TRPM6: variants seen among roughly 807,000 people sequenced by gnomAD.
The protein encoded by TRPM6 is transient receptor potential cation channel subfamily M member 6, also known as channel kinase 2.
TRPM6 carries 111 observed loss-of-function variants against 247.6 expected under a neutral mutation model. The ratio of observed to expected loss-of-function variants is 0.45; its 90% confidence interval spans 0.38 to 0.52. The LOEUF (loss-of-function observed/expected upper bound fraction) is 0.52. TRPM6 is among the 20% of genes least tolerant of loss of function. The probability of loss-of-function intolerance (pLI) is 0.00; values close to 1 mark genes in which losing one functional copy is unlikely to be tolerated. For synonymous variants in TRPM6, 892 were observed against 853.8 expected, an observed-to-expected ratio of 1.04 and a Z score of -0.78; for missense variants, 2,126 against 2,421.5, an observed-to-expected ratio of 0.88 and a Z score of 2.56.
At chr9:74,742,520 C>T (rs1825897558) in intron 33 of TRPM6, 41 bp downstream of exon 33, 2 of 1,571,608 alleles carry the variant, frequency 1.3e-6, no homozygotes, top group African/African-American at 2.7e-5. Flanking sequence ...TTTTATGCCT[C>T]TGTCCTGGCA....
At chr9:74,740,858 C>G (rs1169009870) in intron 33 of TRPM6, among the ~76,000 whole-genome samples, 1 of 152,024 alleles carries the variant, frequency 6.6e-6, no homozygotes, top group Admixed American at 6.6e-5. Flanking sequence ...TGCTTTATAT[C>G]ATAAAAAAAC....
At chr9:74,780,919 G>C (rs1279829559) in intron 23 of TRPM6, among the ~76,000 whole-genome samples, 1 of 152,170 alleles carries the variant, frequency 6.6e-6, no homozygotes, top group Non-Finnish European at 1.5e-5. Flanking sequence ...ATTTGGGAAA[G>C]ACTACATTAA....
intron 23 of TRPM6, chr9:74,776,297 A>G (rs1827220453): frequency 2.0e-6 from 1 of 499,820 alleles, no homozygotes; most frequent in Non-Finnish European, 3.7e-6. Flanking sequence ...CAGAAGGCAG[A>G]CATTACAATC....
chr9:74,724,713 A>G lies in TRPM6; in HGVS notation c.5969T>C (p.Ile1990Thr). 1 of 1,614,154 alleles carries G rather than the reference A, an allele frequency of 6.2e-7. No homozygotes were observed. Among genetic ancestry groups the G allele is most frequent in the Non-Finnish European group, 8.5e-7 (1 of 1,180,014 alleles). Residue 1990 changes from isoleucine (I) to threonine (T), a missense_variant, in exon 39 of 39, where the codon ATA becomes ACA. Physicochemically the swap from Ile to Thr is moderately conservative, Grantham distance 89. Around this residue, in one of 3 missense-constraint regions of TRPM6, gnomAD observed 327 missense variants for 397.7 expected, o/e 0.82. Coordinates refer to ENST00000360774, the MANE Select transcript of TRPM6 (RefSeq NM_017662.5). ...LKRNDYSPER[I>T]NSTFGLEIKI... The stretch of plus-strand genomic sequence containing the variant: ...TATCTCAAGTCCAAAGGTGGAATTT[A>G]TCCTTTCAGGGGAATAGTCATTTCT...
At chr9:74,852,760 C>T (rs1024599370) in intron 3 of TRPM6, among the ~76,000 whole-genome samples, 9 of 152,160 alleles carry the variant, frequency 5.9e-5, no homozygotes, top group Admixed American at 2.0e-4. Context: ...CCCGAGGTGC[C>T]GGGATTGCAG....
At chr9:74,825,999 C>T (rs942130506) in intron 7 of TRPM6, among the ~76,000 whole-genome samples, 22 of 152,120 alleles carry the variant, frequency 1.4e-4, no homozygotes, top group African/African-American at 5.1e-4. Context: ...CCTCAGAATC[C>T]TTATTCACAC....
rs774691363 is a variant in TRPM6 at position 74,739,456 on chromosome 9, A to C, written c.5488-7T>G. On this transcript the variant is annotated splice_polypyrimidine_tract_variant and splice_region_variant and intron_variant, in intron 34 of 38. Transcript: ENST00000360774. The stretch of plus-strand genomic sequence containing the variant: ...CTCTTTGTTGTTGAATTTCCTACAA[A>C]ATAGGGAGCACTGATAAAAATACTG... 1.4e-4 allele frequency: 232 copies of C among 1,612,784 alleles called. 1 individual carries two copies. The highest frequency in any genetic ancestry group is 1.7e-4 in the Non-Finnish European group (202 of 1,178,932).
rs370054393 is a variant in TRPM6, at chr9:74,752,423, A to G, written c.4907-55T>C. ...ATACATGAAAATGTGTTACATTCAA[A>G]TCACAGTTCCCAAATAGAAAAATCT... On this transcript the variant is annotated intron_variant, in intron 28 of 38. Transcript: ENST00000360774. The G allele has an allele frequency of 1.1e-3, 1,104 of 990,636 alleles. 23 individuals carry two copies. The South Asian group carries it at 0.011, about 10-fold the overall frequency. The allele number at this position is 990,636 out of a possible 1,614,324, so 61.4% of individuals were successfully genotyped here. A position where few individuals can be genotyped will look rare whatever the true frequency, so the allele number is the denominator to read the frequency against.
intron 10 of TRPM6, 43 bp from the exon 11 acceptor site, chr9:74,816,812 A>T: frequency 6.2e-7 from 1 of 1,611,248 alleles, no homozygotes; most frequent in Non-Finnish European, 8.5e-7. Flanking sequence ...TTTTCAAGAT[A>T]TCTACGCAAG....
rs1418612145 is a variant in TRPM6 at position 74,724,594 on chromosome 9, T to C, written c.*19A>G. 1 of 1,614,114 alleles carries C rather than the reference T, an allele frequency of 6.2e-7. No individual in the cohort carries two copies. The highest frequency in any genetic ancestry group is 8.5e-7 in the Non-Finnish European group (1 of 1,180,022). ...CTGGCAGGCAGGGCAAGCACTGGGATCTTCTTGCTCCTCCCTTTTTATAGT... is the reference window on the plus strand; with the variant it reads ...CTGGCAGGCAGGGCAAGCACTGGGACCTTCTTGCTCCTCCCTTTTTATAGT... On this transcript the variant is annotated 3_prime_UTR_variant, in exon 39 of 39. Transcript: ENST00000360774.
At chr9:74,727,457 T>C (rs2769194) in intron 38 of TRPM6, among the ~76,000 whole-genome samples, 19,771 of 151,252 alleles carry the variant, frequency 0.13, 1,600 homozygotes, top group South Asian at 0.22. Context: ...CAGGTTACGA[T>C]GGATGGTGCT....
At chr9:74,810,995 A>G in intron 12 of TRPM6, 127 bp from the exon 13 acceptor site, 1 of 732,260 alleles carries the variant, frequency 1.4e-6, no homozygotes, top group Non-Finnish European at 2.4e-6. Context: ...TTTAGTAACA[A>G]TGCTTAAGCC....
At chr9:74,852,846 T>C (rs1228772819) in intron 3 of TRPM6, among the ~76,000 whole-genome samples, 1 of 151,964 alleles carries the variant, frequency 6.6e-6, no homozygotes, top group Non-Finnish European at 1.5e-5. Flanking sequence ...CGCTACAACC[T>C]CCACCTCCCA....
intron 32 of TRPM6, among the ~76,000 whole-genome samples, chr9:74,743,093 C>G (rs1825915743): frequency 6.6e-6 from 1 of 152,304 alleles, no homozygotes; most frequent in East Asian, 1.9e-4. Context: ...CTGCATTTTC[C>G]TGTTAAGAGC....
chr9:74,813,361 G>C (rs1828803644), intron 11 of TRPM6, among the ~76,000 whole-genome samples: 1 of 152,214 alleles, frequency 6.6e-6, no homozygotes, highest in Admixed American at 6.5e-5. Context: ...AAAATGTCAA[G>C]AGACAAACAG....
At chr9:74,765,492 C>G (rs1028779397) in intron 25 of TRPM6, among the ~76,000 whole-genome samples, 1 of 151,914 alleles carries the variant, frequency 6.6e-6, no homozygotes, top group Admixed American at 6.6e-5. Flanking sequence ...TTGTTTCATT[C>G]TATTATTTGG....
At chr9:74,874,533 C>G (rs947276089) in intron 1 of TRPM6, among the ~76,000 whole-genome samples, 1 of 152,148 alleles carries the variant, frequency 6.6e-6, no homozygotes, top group Non-Finnish European at 1.5e-5. Context: ...AACTCCAGAA[C>G]AGGTTTCCAT....
At chr9:74,767,746 G>A (rs943990932) in intron 25 of TRPM6, among the ~76,000 whole-genome samples, 4 of 152,074 alleles carry the variant, frequency 2.6e-5, no homozygotes. Flanking sequence ...AGGCAGAAGG[G>A]GTGCTTGAGG....
chr9:74,875,479 G>T (rs1831168551), intron 1 of TRPM6, among the ~76,000 whole-genome samples: 1 of 152,102 alleles, frequency 6.6e-6, no homozygotes, highest in South Asian at 2.1e-4. Context: ...GGAAGTGGAG[G>T]TTGCAGTGAG....
Sources: gnomAD v4.1 joint callset for allele counts (sites outside exome capture counted in the v4.1 genomes callset) on GRCh38, gnomAD v4.1.1 for gene constraint, gnomAD v4.1.1 regional missense constraint, MANE v1.5 for transcripts, NCBI Gene and HGNC (gene_info 2026-07-23, HGNC 2026-07-21) for gene names.